The following TMOD1 variants were observed in gnomAD, a reference collection of about 807,000 sequenced individuals.
The protein encoded by TMOD1 is tropomodulin 1.
TMOD1 carries 17 observed loss-of-function variants against 40.6 expected under a neutral mutation model. That is an observed-to-expected ratio of 0.42 (90% CI 0.29 to 0.63). TMOD1 has a LOEUF of 0.63. TMOD1 is among the 20% of genes least tolerant of loss of function. TMOD1 has a pLI of 0.22. For synonymous variants in TMOD1, 181 were observed against 175.0 expected (o/e 1.03, Z -0.27); for missense variants, 391 against 447.6 (o/e 0.87, Z 1.14).
At chr9:97,524,497 G>GTGTGTGTGT (rs1829969863) in intron 2 of TMOD1, among the ~76,000 whole-genome samples, 189 bp downstream of exon 2, 17 of 143,030 alleles carry the variant, frequency 1.2e-4, no homozygotes, top group African/African-American at 4.0e-4. Flanking sequence ...GAACCAATAG[G>GTGTGTGTGT]GTGTGTGTGT....
At chr9:97,578,281 C>T (rs952619252) in intron 8 of TMOD1, among the ~76,000 whole-genome samples, 11 of 152,214 alleles carry the variant, frequency 7.2e-5, no homozygotes, top group Non-Finnish European at 1.5e-4. Flanking sequence ...TCTCGATCTC[C>T]TGACCTCGTG....
intron 1 of TMOD1, among the ~76,000 whole-genome samples, chr9:97,520,490 G>A (rs1001031314): frequency 6.6e-6 from 1 of 152,118 alleles, no homozygotes; most frequent in Non-Finnish European, 1.5e-5. Flanking sequence ...TCCACCACAG[G>A]AGAATACTGC....
intron 5 of TMOD1, among the ~76,000 whole-genome samples, chr9:97,563,578 G>A (rs1830672940): frequency 1.3e-5 from 2 of 151,974 alleles, no homozygotes; most frequent in South Asian, 4.2e-4. Context: ...TGCCAATATT[G>A]CATTGCCTTA....
rs955679618 is a variant in TMOD1 at position 97,509,680 on chromosome 9, G to A, written c.-49+7877G>A. 4.6e-5 allele frequency among the ~76,000 whole-genome samples: 7 copies of A among 152,038 alleles called. No individual in the cohort carries two copies. In the East Asian group the frequency reaches 7.7e-4, roughly 17 times the overall value. On this transcript the variant is annotated intron_variant, in intron 1 of 9. Transcript: ENST00000259365. The stretch of plus-strand genomic sequence containing the variant: ...CAGCTAATTTTTTGTATTTTTAGGC[G>A]AGACGGGGTTTCACCATGTTGCCCA...
At chr9:97,573,184 G>T (rs1167645278) in intron 8 of TMOD1, among the ~76,000 whole-genome samples, 3 of 152,186 alleles carry the variant, frequency 2.0e-5, no homozygotes, top group Admixed American at 2.0e-4. Flanking sequence ...CTCCACACAC[G>T]GCTTCTGTGC....
chr9:97,600,467 A>AT lies in TMOD1; in HGVS notation c.*770dup, dbSNP rs1826231837. On this transcript the variant is annotated 3_prime_UTR_variant, in exon 10 of 10. Coordinates refer to ENST00000259365, the MANE Select transcript of TMOD1 (RefSeq NM_003275.4). Reference sequence around the variant, plus strand: ...GGAGTTAGAACTTTTTCCTTATTGAATGCCAACCTTATGATGGATGTGAAA... The same window carrying AT: ...GGAGTTAGAACTTTTTCCTTATTGAATTGCCAACCTTATGATGGATGTGAAA... 5.1e-6 allele frequency: 5 copies of AT among 985,528 alleles called. No homozygotes were observed. Among genetic ancestry groups the AT allele is most frequent in the Non-Finnish European group, 6.0e-6 (5 of 830,082 alleles). The allele number at this position is 985,528 out of a possible 1,614,324, so 61.0% of individuals were successfully genotyped here.
intron 8 of TMOD1, among the ~76,000 whole-genome samples, chr9:97,571,389 C>A (rs1475543): frequency 0.2 from 30,919 of 152,156 alleles, 3,303 homozygotes; most frequent in Middle Eastern, 0.36. Context: ...CCTGAGCCTC[C>A]GTTTCCTGGC....
intron 8 of TMOD1, among the ~76,000 whole-genome samples, chr9:97,580,394 G>A (rs1825721258): frequency 6.6e-6 from 1 of 152,054 alleles, no homozygotes; most frequent in Non-Finnish European, 1.5e-5. Context: ...ATCACTTGAG[G>A]CCGAGTTCGA....
At chr9:97,521,705 A>C (rs1302881336) in intron 1 of TMOD1, among the ~76,000 whole-genome samples, 1 of 152,188 alleles carries the variant, frequency 6.6e-6, no homozygotes, top group Non-Finnish European at 1.5e-5. Flanking sequence ...GGCCAAGCTG[A>C]GCCATTCTGA....
At chr9:97,552,214 G>A (rs995738409) in intron 3 of TMOD1, among the ~76,000 whole-genome samples, 3 of 152,144 alleles carry the variant, frequency 2.0e-5, no homozygotes, top group African/African-American at 7.2e-5. Context: ...CCAGTGCAAT[G>A]TTGAATAGCA....
chr9:97,600,389 A>G lies in TMOD1; in HGVS notation c.*691A>G. The G allele has an allele frequency of 6.1e-6, 6 of 986,008 alleles. No homozygotes were observed. The highest frequency in any genetic ancestry group is 7.2e-6 in the Non-Finnish European group (6 of 830,214). 61.1% of individuals were successfully genotyped at this position (986,008 alleles called of 1,614,324 possible). On this transcript the variant is annotated 3_prime_UTR_variant, in exon 10 of 10. Transcript: ENST00000259365. ...TCATTACCAATCCCAGGCAACAAAC[A>G]TGTCCCTGAGTGTTCTTTAAGAACA...
chr9:97,555,282 A>G (rs1304686848), intron 4 of TMOD1, among the ~76,000 whole-genome samples: 3 of 152,164 alleles, frequency 2.0e-5, no homozygotes, highest in Admixed American at 6.5e-5. Flanking sequence ...TCTGTGAGGC[A>G]GGGAGGTGGC....
At chr9:97,559,173 C>T (rs1391330948) in intron 4 of TMOD1, among the ~76,000 whole-genome samples, 3 of 152,172 alleles carry the variant, frequency 2.0e-5, no homozygotes, top group Admixed American at 6.5e-5. Context: ...TGAGCTGCTC[C>T]GTGGGAGCTG....
intron 2 of TMOD1, among the ~76,000 whole-genome samples, chr9:97,538,000 G>C (rs770857837): frequency 2.6e-5 from 4 of 152,092 alleles, no homozygotes; most frequent in Non-Finnish European, 5.9e-5. Context: ...TTTGGACTAC[G>C]TGTCAATATT....
At chr9:97,586,392 C>G (rs1293041041) in intron 8 of TMOD1, among the ~76,000 whole-genome samples, 1 of 151,652 alleles carries the variant, frequency 6.6e-6, no homozygotes, top group Non-Finnish European at 1.5e-5. Flanking sequence ...GCTGGGAGAA[C>G]CACTGCTCTC....
chr9:97,512,881 T>C (rs1260492053), intron 1 of TMOD1: 1 of 152,180 alleles, frequency 6.6e-6, no homozygotes, highest in Non-Finnish European at 1.5e-5. Flanking sequence ...CATAGGTATA[T>C]AAATGTGGGA....
At chr9:97,593,328 C>A (rs73550800) in intron 9 of TMOD1, among the ~76,000 whole-genome samples, 10,539 of 152,078 alleles carry the variant, frequency 0.069, 1,259 homozygotes, top group African/African-American at 0.24. Flanking sequence ...ATCTGAGAGT[C>A]CAAAATTCAG....
intron 3 of TMOD1, among the ~76,000 whole-genome samples, chr9:97,548,165 C>T (rs536728431): frequency 7.7e-4 from 117 of 152,306 alleles, no homozygotes; most frequent in Admixed American, 3.0e-3. Context: ...TCCATTCCCT[C>T]CACCCCTAAG....
rs183457510 is a variant in TMOD1 at position 97,532,430 on chromosome 9, C to G, written c.120+8122C>G. Among the ~76,000 whole-genome samples, 367 of 152,272 alleles carry G rather than the reference C, an allele frequency of 2.4e-3. 1 individual carries two copies. The highest frequency in any genetic ancestry group is 0.01 in the Middle Eastern group (3 of 294). On this transcript the variant is annotated intron_variant, in intron 2 of 9. Coordinates refer to ENST00000259365, the MANE Select transcript of TMOD1 (RefSeq NM_003275.4). ...CCTCCCTCGGGAAGCCTTTTAGACTCTTTCACCTTCACACCCCTAGCACAG... is the reference window on the plus strand; with the variant it reads ...CCTCCCTCGGGAAGCCTTTTAGACTGTTTCACCTTCACACCCCTAGCACAG...
Sources: allele counts gnomAD v4.1 joint callset (sites outside exome capture counted in the v4.1 genomes callset), GRCh38; gene constraint gnomAD v4.1.1; transcripts MANE v1.5; gene names NCBI Gene and HGNC (gene_info 2026-07-23, HGNC 2026-07-21).